The following VTI1B variants were observed in gnomAD, a reference collection of about 807,000 sequenced individuals.
The protein encoded by VTI1B is vesicle transport through interaction with t-SNAREs homolog 1B.
Under a neutral mutation model 28.6 loss-of-function variants are expected in VTI1B, and 18 were observed. That is an observed-to-expected ratio of 0.63 (90% confidence interval 0.43 to 0.93). The LOEUF is 0.93. Ranked by LOEUF, VTI1B falls within the 40% of genes least tolerant of loss-of-function variation. The pLI, the probability that VTI1B is intolerant of heterozygous loss-of-function variation, is 0.00. For missense variants in VTI1B, 283 were observed against 297.0 expected (o/e 0.95, Z 0.35); for synonymous variants, 100 against 107.9 (o/e 0.93, Z 0.46).
At position 67,656,447 on chromosome 14, in the gene VTI1B, T is replaced by C. The variant is rs1225673196; in HGVS notation, c.509A>G (p.Gln170Arg). The C allele has an allele frequency of 1.2e-6, 2 of 1,613,524 alleles. No individual in the cohort carries two copies. The highest frequency in any genetic ancestry group is 1.7e-6 in the Non-Finnish European group (2 of 1,179,736). Residue 170 changes from glutamine (Q) to arginine (R), a missense_variant, in exon 4 of 6, where the codon CAA becomes CGA. Gln to Arg is a conservative substitution (Grantham distance 43, BLOSUM62 1). Transcript: ENST00000554659. ...CTTGGTACGTTCTAACTGGTCTCGT[T>C]GTTCCCCCAGCTCTTCTATGATTTC... is the stretch of plus-strand genomic sequence containing the variant. ...GSEIIEELGEQRDQLERTKSR... is the reference protein window; with the variant it reads ...GSEIIEELGERRDQLERTKSR...
At position 67,653,539 on chromosome 14, in the gene VTI1B, T is replaced by C. The variant is rs200589837; in HGVS notation, c.541-41A>G. 8 of 1,555,188 alleles carry C rather than the reference T, an allele frequency of 5.1e-6. No homozygotes were observed. In the East Asian group the frequency reaches 1.8e-4, roughly 35 times the overall value. On this transcript the variant is annotated intron_variant, in intron 4 of 5. Coordinates refer to ENST00000554659, the MANE Select transcript of VTI1B (RefSeq NM_006370.3). The stretch of plus-strand genomic sequence containing the variant: ...AGTGATTATTTCCCTCTTTAAAAAG[T>C]ATACTCTGTACAATTGAATATCCCT...
At position 67,650,906 on chromosome 14, in the gene VTI1B, C is replaced by T. The variant is rs112748595; in HGVS notation, c.*479G>A. ...ACCAGATGAATCAGAAAATCAAGCA[C>T]GTGTGAGAATTTAGGAGACACTGTG... On this transcript the variant is annotated 3_prime_UTR_variant, in exon 6 of 6. Transcript: ENST00000554659. The T allele has an allele frequency of 9.0e-5, 146 of 1,614,052 alleles. No homozygotes were observed. In the African/African-American group the frequency reaches 1.4e-3, roughly 15 times the overall value.
chr14:67,648,367 G>A lies in VTI1B; in HGVS notation c.*3018C>T. On this transcript the variant is annotated 3_prime_UTR_variant, in exon 6 of 6. Coordinates refer to ENST00000554659, the MANE Select transcript of VTI1B (RefSeq NM_006370.3). ...GATATAGTCCTTTAGAGTCATGCTT[G>A]GACATGGCTCTTACCAAATTACACT... The A allele has an allele frequency of 5.6e-6, 3 of 538,178 alleles. No individual in the cohort carries two copies. In the South Asian group the frequency reaches 1.4e-4, roughly 24 times the overall value. The allele number at this position is 538,178 out of a possible 1,614,324, so 33.3% of individuals were successfully genotyped here. A position where few individuals can be genotyped will look rare whatever the true frequency, so the allele number is the denominator to read the frequency against.
intron 3 of VTI1B, among the ~76,000 whole-genome samples, chr14:67,658,245 C>G (rs1053460316): frequency 2.0e-5 from 3 of 152,156 alleles, no homozygotes; most frequent in African/African-American, 7.2e-5. Context: ...GAACTTCAGA[C>G]AGATTTGGAA....
chr14:67,668,473 TTTG>T (rs2037428511), intron 1 of VTI1B, among the ~76,000 whole-genome samples: 1 of 152,260 alleles, frequency 6.6e-6, no homozygotes. Flanking sequence ...AAATACAGTT[TTTG>T]TTGTTTTAAT....
rs934187366 is a variant in VTI1B at position 67,674,402 on chromosome 14, C to G, written c.88G>C (p.Glu30Gln). The part of the protein sequence containing the change: ...GLHEDLQGVP[E>Q]RLLGTAGTEE... ...GTCCCCGCCGTCCCCAGCAGCCGCT[C>G]GGGCACCCCTTGTAGGTCTTCATGG... is the stretch of plus-strand genomic sequence containing the variant. The change falls in exon 1 of 6, where the codon GAG becomes CAG. Residue 30 changes from glutamate (E) to glutamine (Q), a missense_variant. By Grantham distance (29) the Glu-to-Gln change is conservative. Transcript: ENST00000554659. 6.2e-7 allele frequency: 1 copy of G among 1,604,018 alleles called. No individual in the cohort carries two copies. Among genetic ancestry groups the G allele is most frequent in the Non-Finnish European group, 8.5e-7 (1 of 1,176,542 alleles).
At chr14:67,674,288 G>C (rs775264470) in intron 1 of VTI1B, 87 bp downstream of exon 1, 2 of 1,266,416 alleles carry the variant, frequency 1.6e-6, no homozygotes, top group South Asian at 3.0e-5. Context: ...GGAGACGCGG[G>C]CCCGGGTCTG....
At chr14:67,665,740 G>A (rs2037394389) in intron 1 of VTI1B, among the ~76,000 whole-genome samples, 1 of 152,144 alleles carries the variant, frequency 6.6e-6, no homozygotes. Context: ...AAGGGCAAAT[G>A]ACAACACACC....
Position 67,650,956 on chromosome 14 carries a change from T to C in VTI1B, c.*429A>G. 1 of 1,595,178 alleles carries C rather than the reference T, an allele frequency of 6.3e-7. No homozygotes were observed. The stretch of plus-strand genomic sequence containing the variant: ...GCACTGACATGTTTCACAACAGGCA[T>C]TCCAGAATTATGAGGCATTGAGGGG... On this transcript the variant is annotated 3_prime_UTR_variant, in exon 6 of 6. Coordinates refer to ENST00000554659, the MANE Select transcript of VTI1B (RefSeq NM_006370.3).
chr14:67,659,373 G>A (rs189935248), intron 3 of VTI1B, among the ~76,000 whole-genome samples: 1 of 151,542 alleles, frequency 6.6e-6, no homozygotes, highest in Non-Finnish European at 1.5e-5. Context: ...TTATATGAGA[G>A]AATAAAAAAG....
intron 1 of VTI1B, among the ~76,000 whole-genome samples, chr14:67,666,462 T>C (rs1481005775): frequency 6.6e-6 from 1 of 152,242 alleles, no homozygotes; most frequent in Non-Finnish European, 1.5e-5. Context: ...AGAACTTCAC[T>C]ACATTTATGA....
Position 67,650,785 on chromosome 14 carries a change from T to TAC in VTI1B, c.*598_*599dup. ...CCACCTCAGAGGAAGAGGCGAAGAC[T>TAC]ACAGCTAACCTGGCAGTAGATGTGA... On this transcript the variant is annotated 3_prime_UTR_variant, in exon 6 of 6. Coordinates refer to ENST00000554659, the MANE Select transcript of VTI1B (RefSeq NM_006370.3). The TAC allele has an allele frequency of 1.9e-6, 3 of 1,614,190 alleles. No individual in the cohort carries two copies. The highest frequency in any genetic ancestry group is 2.5e-6 in the Non-Finnish European group (3 of 1,180,028).
chr14:67,650,835 GAGA>G lies in VTI1B; in HGVS notation c.*547_*549del, dbSNP rs781361038. ...ATTGCTTCAAGCTTTGGTCAGACAA[GAGA>G]AGGAGGGCATATTGTCTATGACCAA... On this transcript the variant is annotated 3_prime_UTR_variant, in exon 6 of 6. Coordinates refer to ENST00000554659, the MANE Select transcript of VTI1B (RefSeq NM_006370.3). The G allele has an allele frequency of 1.1e-5, 17 of 1,614,046 alleles. No homozygotes were observed. Among genetic ancestry groups the G allele is most frequent in the East Asian group, 6.7e-5 (3 of 44,862 alleles).
rs750482893 is a variant in VTI1B, at chr14:67,656,490, T to G, written c.466A>C (p.Thr156Pro). Residue 156 changes from threonine (T) to proline (P), a missense_variant, in exon 4 of 6, where the codon ACT becomes CCT. Transcript: ENST00000554659. ...IERSHRIATETDQIGSEIIEE... is the reference protein window; with the variant it reads ...IERSHRIATEPDQIGSEIIEE... ...ATGATTTCTGAGCCAATCTGGTCAGTCTCTGTGGCAATCCGATGAGAACGT... is the reference window on the plus strand; with the variant it reads ...ATGATTTCTGAGCCAATCTGGTCAGGCTCTGTGGCAATCCGATGAGAACGT... The G allele has an allele frequency of 3.1e-6, 5 of 1,613,888 alleles. No homozygotes were observed. In the East Asian group the frequency reaches 8.9e-5, roughly 29 times the overall value.
intron 1 of VTI1B, among the ~76,000 whole-genome samples, chr14:67,665,776 T>C (rs575387895): frequency 6.6e-6 from 1 of 152,296 alleles, no homozygotes; most frequent in African/African-American, 2.4e-5. Flanking sequence ...TTCATTGTTG[T>C]GTGCCACCCC....
At chr14:67,663,099 C>G in intron 1 of VTI1B, 1 of 1,507,528 alleles carries the variant, frequency 6.6e-7, no homozygotes, top group Non-Finnish European at 8.8e-7. Flanking sequence ...ATGACTTGAA[C>G]GATGAGAACG....
intron 1 of VTI1B, among the ~76,000 whole-genome samples, chr14:67,669,742 G>C (rs1203653091): frequency 6.6e-6 from 1 of 152,078 alleles, no homozygotes; most frequent in Non-Finnish European, 1.5e-5. Context: ...AAAAAATGCA[G>C]ACACCCTGGA....
intron 4 of VTI1B, among the ~76,000 whole-genome samples, chr14:67,655,778 G>A (rs1457207954): frequency 6.6e-6 from 1 of 152,168 alleles, no homozygotes; most frequent in Admixed American, 6.5e-5. Context: ...TATTTCTCTT[G>A]CCAAAGAGAG....
At chr14:67,656,620 C>G in intron 3 of VTI1B, 31 bp from the exon 4 acceptor site, 1 of 1,576,522 alleles carries the variant, frequency 6.3e-7, no homozygotes, top group Non-Finnish European at 8.6e-7. Context: ...AAATGTTAGA[C>G]TTTTTCCATT....
Sources: allele counts gnomAD v4.1 joint callset (sites outside exome capture counted in the v4.1 genomes callset), GRCh38; gene constraint gnomAD v4.1.1; transcripts MANE v1.5; gene names NCBI Gene and HGNC (gene_info 2026-07-23, HGNC 2026-07-21).